DDAH1: variants seen among roughly 807,000 people sequenced by gnomAD.
DDAH1 encodes dimethylarginine dimethylaminohydrolase 1.
A neutral mutation model predicts 28.8 loss-of-function variants in DDAH1; 19 were observed. That is an observed-to-expected ratio of 0.66 (90% confidence interval 0.46 to 0.97). DDAH1 has a LOEUF of 0.97. Among genes scored for constraint, DDAH1 ranks in the 50% least tolerant of loss-of-function variants. The pLI is 0.00. For synonymous variants in DDAH1, 153 were observed against 154.4 expected (o/e 0.99, Z 0.07); for missense variants, 326 against 375.9 (o/e 0.87, Z 1.10).
intron 4 of DDAH1, among the ~76,000 whole-genome samples, chr1:85,347,652 T>A (rs1346404929): frequency 6.6e-6 from 1 of 152,044 alleles, no homozygotes; most frequent in Non-Finnish European, 1.5e-5. Context: ...CATTGGGAGA[T>A]ATACCTAATG....
chr1:85,493,843 C>G (rs1452526893), intron 2 of DDAH1: 1 of 152,064 alleles, frequency 6.6e-6, no homozygotes, highest in Non-Finnish European at 1.5e-5. Context: ...GAATACATGC[C>G]AACGCATCTA....
intron 2 of DDAH1, chr1:85,482,548 T>C (rs1656045403): frequency 6.6e-6 from 1 of 152,200 alleles, no homozygotes. Context: ...GTGAATTTTG[T>C]CTCAAAAAGT....
intron 2 of DDAH1, among the ~76,000 whole-genome samples, chr1:85,472,647 A>G (rs1424584712): frequency 6.6e-6 from 1 of 152,220 alleles, no homozygotes; most frequent in Non-Finnish European, 1.5e-5. Context: ...TGTAAAGTTC[A>G]AAGTACTATA....
chr1:85,446,838 C>T (rs1654449693), intron 1 of DDAH1, among the ~76,000 whole-genome samples: 1 of 152,142 alleles, frequency 6.6e-6, no homozygotes, highest in South Asian at 2.1e-4. Flanking sequence ...CTCCTTCTCT[C>T]TTCCTATTTG....
Position 85,570,364 on chromosome 1 carries a change from TCACACACA to T in DDAH1, c.-123+7612_-123+7619del, listed in dbSNP as rs35259175. Among the ~76,000 whole-genome samples the T allele has an allele frequency of 5.8e-3, 841 of 145,572 alleles. 11 individuals carry two copies. Among genetic ancestry groups the T allele is most frequent in the African/African-American group, 0.021 (813 of 39,206 alleles). On this transcript the variant is annotated intron_variant, in intron 1 of 6. Coordinates refer to the DDAH1 transcript ENST00000426972. The stretch of plus-strand genomic sequence containing the variant: ...CCTCCCTTCTCCAGCACACACACTG[TCACACACA>T]CACACACACACACACACACACACAT...
At chr1:85,483,664 C>G (rs953284280) in intron 2 of DDAH1, among the ~76,000 whole-genome samples, 8 of 152,194 alleles carry the variant, frequency 5.3e-5, no homozygotes, top group African/African-American at 1.9e-4. Context: ...AGCTTCACAT[C>G]AATTTTGGCC....
intron 2 of DDAH1, among the ~76,000 whole-genome samples, chr1:85,355,190 A>C (rs967283079): frequency 2.6e-5 from 4 of 152,128 alleles, no homozygotes; most frequent in African/African-American, 9.7e-5. Context: ...ATCAAAACTG[A>C]CTCAGGAAAA....
chr1:85,397,051 A>G (rs1290058106), intron 1 of DDAH1, among the ~76,000 whole-genome samples: 1 of 110,904 alleles, frequency 9.0e-6, no homozygotes, highest in Non-Finnish European at 2.0e-5. Flanking sequence ...AAAAAAAAAA[A>G]GGTTTTTCAA....
At chr1:85,485,406 T>G (rs1656169475) in intron 2 of DDAH1, among the ~76,000 whole-genome samples, 1 of 152,160 alleles carries the variant, frequency 6.6e-6, no homozygotes, top group Non-Finnish European at 1.5e-5. Flanking sequence ...ATTAAGACAG[T>G]GTTTCCTGGA....
chr1:85,558,658 C>T (rs1026575152), intron 1 of DDAH1, among the ~76,000 whole-genome samples: 8 of 152,002 alleles, frequency 5.3e-5, no homozygotes, highest in South Asian at 2.1e-4. Context: ...TCAGGTGCCT[C>T]ATGTTTTTAA....
chr1:85,418,819 C>T (rs1653000382), intron 1 of DDAH1, among the ~76,000 whole-genome samples: 1 of 152,142 alleles, frequency 6.6e-6, no homozygotes, highest in African/African-American at 2.4e-5. Flanking sequence ...TGCTATGGGT[C>T]CTATCCCATA....
intron 1 of DDAH1, among the ~76,000 whole-genome samples, chr1:85,371,715 T>C (rs1284253903): frequency 6.6e-6 from 1 of 152,182 alleles, no homozygotes; most frequent in East Asian, 1.9e-4. Flanking sequence ...TAGGACTAAA[T>C]GAAAGTTTGC....
chr1:85,318,804 G>C lies in DDAH1; in HGVS notation c.*2648C>G, dbSNP rs924692332. On this transcript the variant is annotated 3_prime_UTR_variant, in exon 6 of 6. Coordinates refer to ENST00000284031, the MANE Select transcript of DDAH1 (RefSeq NM_012137.4). ...GACTATTTTTCTCCCTTAGAGATGA[G>C]GAGATGGCCTTAGTAATCTGTTCAG... The C allele has an allele frequency of 1.3e-5, 2 of 152,486 alleles. No individual in the cohort carries two copies. Among genetic ancestry groups the C allele is most frequent in the Non-Finnish European group, 2.9e-5 (2 of 68,030 alleles). 9.4% of individuals were successfully genotyped at this position (152,486 alleles called of 1,614,324 possible).
At chr1:85,378,291 C>G (rs545755544) in intron 1 of DDAH1, among the ~76,000 whole-genome samples, 8 of 152,222 alleles carry the variant, frequency 5.3e-5, no homozygotes, top group African/African-American at 1.9e-4. Flanking sequence ...CTTAGCATGT[C>G]TTCATTAATA....
At chr1:85,468,049 G>A (rs1352139157), upstream of DDAH1, among the ~76,000 whole-genome samples, 3 of 152,180 alleles carry the variant, frequency 2.0e-5, no homozygotes, top group Non-Finnish European at 4.4e-5. Flanking sequence ...ATTTTTGGAT[G>A]TGAGTAACTG....
At chr1:85,526,349 C>A (rs1304071854) in intron 1 of DDAH1, among the ~76,000 whole-genome samples, 3 of 152,130 alleles carry the variant, frequency 2.0e-5, no homozygotes, top group Non-Finnish European at 4.4e-5. Context: ...TGTGATGTAC[C>A]CCTGGGTTCT....
intron 4 of DDAH1, among the ~76,000 whole-genome samples, chr1:85,344,872 A>T (rs1445893037): frequency 6.6e-6 from 1 of 152,212 alleles, no homozygotes; most frequent in Non-Finnish European, 1.5e-5. Context: ...AATTAAAAAA[A>T]TTAAAAACAG....
intron 1 of DDAH1, among the ~76,000 whole-genome samples, chr1:85,416,259 G>T (rs980630750): frequency 2.7e-5 from 4 of 150,602 alleles, no homozygotes; most frequent in Admixed American, 6.6e-5. Flanking sequence ...TGTTTTTTTG[G>T]GTTTTTTTTT....
intron 1 of DDAH1, among the ~76,000 whole-genome samples, chr1:85,431,506 T>A (rs1156474627): frequency 6.6e-6 from 1 of 151,866 alleles, no homozygotes. Flanking sequence ...TCCTCCTTTG[T>A]CTAATAACCA....
Sources: gnomAD v4.1 joint callset for allele counts (sites outside exome capture counted in the v4.1 genomes callset) on GRCh38, gnomAD v4.1.1 for gene constraint, MANE v1.5 for transcripts, NCBI Gene and HGNC (gene_info 2026-07-23, HGNC 2026-07-21) for gene names.